The following SPATA17 variants were observed in gnomAD, a reference collection of about 807,000 sequenced individuals.
SPATA17 encodes spermatogenesis associated 17.
A neutral mutation model predicts 62.2 loss-of-function variants in SPATA17; 53 were observed. The observed-to-expected ratio is 0.85, with a 90% CI of 0.68 to 1.07. SPATA17 has a LOEUF of 1.07. Ranked by LOEUF, SPATA17 falls within the 50% of genes least tolerant of loss-of-function variation. The pLI is 0.00. For missense variants in SPATA17, 466 were observed against 425.5 expected, an observed-to-expected ratio of 1.10 and a Z score of -0.84; for synonymous variants, 146 against 146.8, an observed-to-expected ratio of 0.99 and a Z score of 0.04.
chr1:217,815,863 C>A (rs1176636521), intron 9 of SPATA17, among the ~76,000 whole-genome samples: 1 of 152,158 alleles, frequency 6.6e-6, no homozygotes, highest in African/African-American at 2.4e-5. Context: ...TAAGCCAGTT[C>A]TTTAAAATAA....
chr1:217,818,742 A>G (rs554412774), intron 9 of SPATA17, among the ~76,000 whole-genome samples: 1 of 151,840 alleles, frequency 6.6e-6, no homozygotes, highest in African/African-American at 2.4e-5. Context: ...AATATTTATT[A>G]GATTATAGTT....
intron 8 of SPATA17, among the ~76,000 whole-genome samples, chr1:217,801,074 T>G (rs1674298728): frequency 6.6e-6 from 1 of 152,198 alleles, no homozygotes; most frequent in Non-Finnish European, 1.5e-5. Flanking sequence ...ACCAACATTA[T>G]TTATTGGACA....
At chr1:217,655,408 G>A (rs1218214118) in intron 3 of SPATA17, among the ~76,000 whole-genome samples, 3 of 152,188 alleles carry the variant, frequency 2.0e-5, no homozygotes, top group African/African-American at 7.2e-5. Flanking sequence ...AATAAATGTT[G>A]TTAACTTTGA....
At chr1:217,812,916 CTCTT>C (rs1199453362) in intron 9 of SPATA17, among the ~76,000 whole-genome samples, 10 of 152,154 alleles carry the variant, frequency 6.6e-5, no homozygotes, top group Non-Finnish European at 1.3e-4. Flanking sequence ...CAGAAAGAGA[CTCTT>C]TCAAGATGGT....
intron 7 of SPATA17, 70 bp downstream of exon 7, chr1:217,774,607 C>A: frequency 3.1e-6 from 4 of 1,282,862 alleles, no homozygotes; most frequent in South Asian, 2.6e-5. Context: ...TTTTATATAA[C>A]ACTATCTTAA....
intron 4 of SPATA17, among the ~76,000 whole-genome samples, chr1:217,680,575 A>G (rs1334335605): frequency 6.6e-6 from 1 of 152,156 alleles, no homozygotes; most frequent in East Asian, 1.9e-4. Context: ...GTATTTTGAA[A>G]GACACTTTGA....
At chr1:217,741,698 G>A (rs1672628844) in intron 5 of SPATA17, among the ~76,000 whole-genome samples, 1 of 152,172 alleles carries the variant, frequency 6.6e-6, no homozygotes, top group Admixed American at 6.5e-5. Flanking sequence ...TGATAATTTA[G>A]TAAGACACTT....
intron 5 of SPATA17, among the ~76,000 whole-genome samples, chr1:217,725,427 A>T (rs567891742): frequency 6.6e-6 from 1 of 152,282 alleles, no homozygotes; most frequent in African/African-American, 2.4e-5. Flanking sequence ...GCATTTTGAC[A>T]TGTTTCAAAA....
chr1:217,754,820 C>T (rs1032412979), intron 6 of SPATA17, among the ~76,000 whole-genome samples: 1 of 152,054 alleles, frequency 6.6e-6, no homozygotes, highest in Admixed American at 6.6e-5. Flanking sequence ...ACTCTGTGCA[C>T]TCTATCATGA....
At chr1:217,636,911 T>C (rs1669954975) in intron 1 of SPATA17, among the ~76,000 whole-genome samples, 1 of 152,220 alleles carries the variant, frequency 6.6e-6, no homozygotes, top group South Asian at 2.1e-4. Flanking sequence ...ATAAGTTTTT[T>C]AACAATATGT....
intron 9 of SPATA17, among the ~76,000 whole-genome samples, chr1:217,847,119 G>A (rs545278621): frequency 2.4e-4 from 37 of 151,944 alleles, no homozygotes; most frequent in South Asian, 2.3e-3. Context: ...GGCAACAATC[G>A]TTTAAATTGT....
intron 1 of SPATA17, among the ~76,000 whole-genome samples, chr1:217,646,176 C>A (rs999763666): frequency 6.6e-6 from 1 of 152,168 alleles, no homozygotes; most frequent in African/African-American, 2.4e-5. Context: ...TCCTTCATTT[C>A]TGTCTTGAAA....
chr1:217,760,620 G>C (rs768287318), intron 6 of SPATA17, among the ~76,000 whole-genome samples: 2 of 152,170 alleles, frequency 1.3e-5, no homozygotes, highest in Non-Finnish European at 2.9e-5. Context: ...CTTCTTCAAA[G>C]ACTGGTGGGA....
intron 9 of SPATA17, among the ~76,000 whole-genome samples, chr1:217,804,980 T>G (rs1350689802): frequency 2.6e-5 from 4 of 152,146 alleles, no homozygotes; most frequent in African/African-American, 9.7e-5. Flanking sequence ...TGGAGGTTCT[T>G]CAAAAAATTA....
chr1:217,734,336 C>A (rs892350848), intron 5 of SPATA17, among the ~76,000 whole-genome samples: 6 of 152,148 alleles, frequency 3.9e-5, no homozygotes, highest in Non-Finnish European at 5.9e-5. Flanking sequence ...GCCAAATACA[C>A]CACAGCAGAA....
Position 217,869,401 on chromosome 1 carries a change from G to A in SPATA17, c.*2382G>A, listed in dbSNP as rs1290781027. 2 of 152,134 alleles carry A rather than the reference G, an allele frequency of 1.3e-5. No homozygotes were observed. Among genetic ancestry groups the A allele is most frequent in the Admixed American group, 1.3e-4 (2 of 15,268 alleles). The allele number at this position is 152,134 out of a possible 1,614,324, so 9.4% of individuals were successfully genotyped here. On this transcript the variant is annotated 3_prime_UTR_variant, in exon 11 of 11. Transcript: ENST00000366933. ...TGGCAGACTTCAGAGAGCATAGATT[G>A]TAAATGTTTCTTATCTGACTTAAAA...
intron 9 of SPATA17, among the ~76,000 whole-genome samples, chr1:217,855,729 A>AGTTTTTTTT (rs1675767590): frequency 7.8e-6 from 1 of 128,882 alleles, no homozygotes; most frequent in African/African-American, 2.9e-5. Flanking sequence ...AGAAGGAACT[A>AGTTTTTTTT]TTTTTTTTTT....
chr1:217,803,733 C>T (rs1173795124), intron 9 of SPATA17, among the ~76,000 whole-genome samples: 1 of 152,008 alleles, frequency 6.6e-6, no homozygotes, highest in African/African-American at 2.4e-5. Flanking sequence ...AAAAATAATC[C>T]TTGGCCAGGC....
intron 9 of SPATA17, among the ~76,000 whole-genome samples, chr1:217,837,886 C>T (rs993413416): frequency 1.6e-4 from 24 of 152,158 alleles, no homozygotes; most frequent in Non-Finnish European, 2.5e-4. Flanking sequence ...CAGCTGCTCC[C>T]GGAGAAAGAA....
Sources: allele counts gnomAD v4.1 joint callset (sites outside exome capture counted in the v4.1 genomes callset), GRCh38; gene constraint gnomAD v4.1.1; transcripts MANE v1.5; gene names NCBI Gene and HGNC (gene_info 2026-07-23, HGNC 2026-07-21).